TCF20: variants seen among roughly 807,000 people sequenced by gnomAD.
TCF20 encodes the protein transcription factor 20.
A neutral mutation model predicts 148.6 loss-of-function variants in TCF20; 3 were observed. That is an observed-to-expected ratio of 0.02 (90% confidence interval 0.01 to 0.05). The LOEUF (loss-of-function observed/expected upper bound fraction) is 0.05. TCF20 is among the 10% of genes least tolerant of loss of function. The pLI, the probability that TCF20 is intolerant of heterozygous loss-of-function variation, is 1.00. For missense variants in TCF20, 2,350 were observed against 2,429.3 expected (o/e 0.97, Z 0.69); for synonymous variants, 1,049 against 909.5 (o/e 1.15, Z -2.76).
At chr22:42,269,376 A>G (rs1233859205) in intron 1 of TCF20, among the ~76,000 whole-genome samples, 1 of 152,202 alleles carries the variant, frequency 6.6e-6, no homozygotes, top group Non-Finnish European at 1.5e-5. Flanking sequence ...GATTGAATAC[A>G]GACCAGCAGA....
upstream of TCF20, among the ~76,000 whole-genome samples, chr22:42,288,715 CAAAAAAA>C (rs60058670): frequency 2.0e-4 from 17 of 85,274 alleles, no homozygotes; most frequent in East Asian, 6.9e-4. Flanking sequence ...GACCCTGTAT[CAAAAAAA>C]AAAAAAAAAA....
chr22:42,213,861 T>G lies in TCF20; in HGVS notation c.1445A>C (p.Gln482Pro), dbSNP rs1569152076. Residue 482 changes from glutamine (Q) to proline (P), a missense_variant, in exon 2 of 6, where the codon CAG becomes CCG. Physicochemically the swap from Gln to Pro is moderately conservative, Grantham distance 76. This residue lies in a region of TCF20 where 1,641 missense variants were observed against 1,662.6 expected (regional missense o/e 0.99). Transcript: ENST00000677622. Reference sequence around the variant, plus strand: ...TGAGGGCCTCTTGGAGGTCTTCTTCTGAGGAGTCAGGGCATCAGAAAGTAA... The same window carrying G: ...TGAGGGCCTCTTGGAGGTCTTCTTCGGAGGAGTCAGGGCATCAGAAAGTAA... ...HMLLSDALTPQKKTSKRPSSS... is the reference protein window; with the variant it reads ...HMLLSDALTPPKKTSKRPSSS... 6.2e-7 allele frequency: 1 copy of G among 1,614,206 alleles called. No individual in the cohort carries two copies. Among genetic ancestry groups the G allele is most frequent in the Non-Finnish European group, 8.5e-7 (1 of 1,180,036 alleles).
chr22:42,223,548 T>C (rs1922573934), intron 1 of TCF20, among the ~76,000 whole-genome samples: 1 of 152,208 alleles, frequency 6.6e-6, no homozygotes, highest in Non-Finnish European at 1.5e-5. Flanking sequence ...ATCTAAGAAA[T>C]GTTAGTAATC....
At chr22:42,182,467 C>A (rs1936826490) in intron 2 of TCF20, among the ~76,000 whole-genome samples, 1 of 152,196 alleles carries the variant, frequency 6.6e-6, no homozygotes, top group Non-Finnish European at 1.5e-5. Flanking sequence ...TCATCACCAT[C>A]CCGGTTTACA....
At chr22:42,265,334 G>C (rs1050453189) in intron 1 of TCF20, among the ~76,000 whole-genome samples, 1 of 151,948 alleles carries the variant, frequency 6.6e-6, no homozygotes, top group Non-Finnish European at 1.5e-5. Context: ...TTTTGGACAG[G>C]ATCTTGCTCT....
chr22:42,260,465 A>C (rs1925968527), intron 1 of TCF20, among the ~76,000 whole-genome samples: 1 of 152,140 alleles, frequency 6.6e-6, no homozygotes, highest in Non-Finnish European at 1.5e-5. Context: ...GGTAGGAAAA[A>C]CAGGAAACTA....
rs2147221305 is a variant in TCF20 at position 42,214,642 on chromosome 22, C to T, written c.664G>A (p.Ala222Thr). The T allele has an allele frequency of 6.2e-7, 1 of 1,614,156 alleles. No individual in the cohort carries two copies. Among genetic ancestry groups the T allele is most frequent in the Admixed American group, 1.7e-5 (1 of 60,020 alleles). ...TGACCCACTCTTAACTGGTAACCAG[C>T]AGCAGAGGATGGCAGAGTTGAGGGC... ...QRPSTLPSSA[A>T]GYQLRVGQFG... Residue 222 changes from alanine (A) to threonine (T), a missense_variant, in exon 2 of 6, where the codon GCT (alanine) becomes ACT (threonine). Ala to Thr is a moderately conservative substitution (Grantham distance 58). Coordinates refer to ENST00000677622, the MANE Select transcript of TCF20 (RefSeq NM_001378418.1).
intron 5 of TCF20, among the ~76,000 whole-genome samples, chr22:42,164,315 T>C (rs1219004362): frequency 6.6e-6 from 1 of 150,446 alleles, no homozygotes; most frequent in Non-Finnish European, 1.5e-5. Flanking sequence ...CCCGGGTTCA[T>C]GCCATTCTCC....
Position 42,212,487 on chromosome 22 carries a change from G to A in TCF20, c.2819C>T (p.Ala940Val). The A allele has an allele frequency of 1.2e-6, 2 of 1,614,192 alleles. No homozygotes were observed. The change falls in exon 2 of 6, where the codon GCT becomes GTT. Residue 940 changes from alanine (A) to valine (V), a missense_variant. Coordinates refer to ENST00000677622, the MANE Select transcript of TCF20 (RefSeq NM_001378418.1). ...TCCAGATTTCTTGTTGTTGAAACTA[G>A]CTTGAGATTTAGACTGTTCAAAGTC... The part of the protein sequence containing the change: ...EEDFEQSKSQ[A>V]SFNNKKSGDH...
chr22:42,182,984 G>C (rs1208563608), intron 2 of TCF20, among the ~76,000 whole-genome samples: 6 of 152,198 alleles, frequency 3.9e-5, no homozygotes, highest in Admixed American at 1.3e-4. Context: ...TGATCCACCT[G>C]CCTTGGCTTC....
At chr22:42,310,869 G>A (rs565790750) in intron 1 of TCF20, among the ~76,000 whole-genome samples, 8 of 152,238 alleles carry the variant, frequency 5.3e-5, no homozygotes, top group Non-Finnish European at 1.2e-4. Context: ...CCGCCTGCCC[G>A]CCCTCTTTTC....
In TCF20 at chr22:42,211,145, A is replaced by T. The variant is rs753816944; in HGVS notation, c.4161T>A (p.Ser1387=). Residue 1387 remains serine, a synonymous_variant, in exon 2 of 6, where the codon TCT becomes TCA. Transcript: ENST00000677622. ...GDTVTLDDIL[S]LKSGPPEGGS... ...CACCTTCAGGAGGACCACTCTTCAA[A>T]GACAGTATATCATCAAGCGTAACCG... 6.2e-7 allele frequency: 1 copy of T among 1,614,062 alleles called. No individual in the cohort carries two copies. Among genetic ancestry groups the T allele is most frequent in the Non-Finnish European group, 8.5e-7 (1 of 1,180,038 alleles).
intron 2 of TCF20, among the ~76,000 whole-genome samples, chr22:42,208,577 TGA>T (rs1350116367): frequency 2.6e-5 from 4 of 152,008 alleles, no homozygotes; most frequent in African/African-American, 7.3e-5. Flanking sequence ...CATTCCAGCC[TGA>T]GTGACAACAA....
rs1270039174 is a variant in TCF20 at position 42,290,701 on chromosome 22, G to C, written c.-37+52778C>G. 6.6e-6 allele frequency among the ~76,000 whole-genome samples: 1 copy of C among 152,236 alleles called. No homozygotes were observed. The highest frequency in any genetic ancestry group is 1.5e-5 in the Non-Finnish European group (1 of 68,038). Reference sequence around the variant, plus strand: ...ACACCGCTGGGCCTGCCCCTTCAGCGTTGGTCGCTGGGCTAACACTAGGCC... The same window carrying C: ...ACACCGCTGGGCCTGCCCCTTCAGCCTTGGTCGCTGGGCTAACACTAGGCC... On this transcript the variant is annotated intron_variant, in intron 1 of 1. Transcript: ENST00000515426. The surrounding 1 kb of genome is among the most constrained non-coding windows in gnomAD (Gnocchi z 4.2).
chr22:42,282,902 C>CT (rs55797726), intron 1 of TCF20, among the ~76,000 whole-genome samples: 100,340 of 151,788 alleles, frequency 0.66, 33,864 homozygotes, highest in Non-Finnish European at 0.74. Flanking sequence ...CAAATAAAGC[C>CT]CCACGCCGCC....
chr22:42,262,332 T>C (rs1244654280), intron 1 of TCF20, among the ~76,000 whole-genome samples: 2 of 152,004 alleles, frequency 1.3e-5, no homozygotes, highest in African/African-American at 2.4e-5. Context: ...CTTATGGAAA[T>C]AGCACTGACA....
At chr22:42,327,410 A>G (rs970973040) in intron 1 of TCF20, among the ~76,000 whole-genome samples, 1 of 152,118 alleles carries the variant, frequency 6.6e-6, no homozygotes, top group Admixed American at 6.5e-5. Flanking sequence ...CCTGCCAATG[A>G]GATAGAAGCC....
intron 5 of TCF20, among the ~76,000 whole-genome samples, chr22:42,166,036 A>C (rs1043114094): frequency 6.6e-6 from 1 of 152,158 alleles, no homozygotes; most frequent in Non-Finnish European, 1.5e-5. Flanking sequence ...CAGAGGTGTG[A>C]TTCTATCCCC....
chr22:42,209,910 G>A lies in TCF20; in HGVS notation c.5396C>T (p.Pro1799Leu). 1 of 1,614,170 alleles carries A rather than the reference G, an allele frequency of 6.2e-7. No individual in the cohort carries two copies. Among genetic ancestry groups the A allele is most frequent in the East Asian group, 2.2e-5 (1 of 44,882 alleles). Residue 1799 changes from proline to leucine, a missense_variant, in exon 2 of 6, where the codon CCT becomes CTT. This residue lies in a region of TCF20 where 374 missense variants were observed against 398.3 expected (regional missense o/e 0.94). Coordinates refer to ENST00000677622, the MANE Select transcript of TCF20 (RefSeq NM_001378418.1). The part of the protein sequence containing the change: ...RHRSEDCGGG[P>L]RSLSRGLPCK... ...AGGGAGCCCCCTGGACAGGGACCGAGGGCCTCCACCACAGTCTTCCGAGCG... is the reference window on the plus strand; with the variant it reads ...AGGGAGCCCCCTGGACAGGGACCGAAGGCCTCCACCACAGTCTTCCGAGCG...
Sources: allele counts gnomAD v4.1 joint callset (sites outside exome capture counted in the v4.1 genomes callset), GRCh38; gene constraint gnomAD v4.1.1; regional missense constraint gnomAD v4.1.1; non-coding constraint Gnocchi (gnomAD v3.1); transcripts MANE v1.5; gene names NCBI Gene and HGNC (gene_info 2026-07-23, HGNC 2026-07-21).